MYO3B: variants seen among roughly 807,000 people sequenced by gnomAD.
MYO3B encodes myosin-IIIb.
A neutral mutation model predicts 174.6 loss-of-function variants in MYO3B; 156 were observed. The ratio of observed to expected loss-of-function variants is 0.89; its 90% CI spans 0.78 to 1.02. The LOEUF (loss-of-function observed/expected upper bound fraction) is 1.02. Among genes scored for constraint, MYO3B ranks in the 50% least tolerant of loss-of-function variants. MYO3B has a pLI of 0.00. For synonymous variants in MYO3B, 563 were observed against 569.1 expected (o/e 0.99, Z 0.15); for missense variants, 1,632 against 1,639.4 (o/e 1.00, Z 0.08).
At chr2:170,463,959 A>G (rs942170916) in intron 24 of MYO3B, among the ~76,000 whole-genome samples, 2 of 152,196 alleles carry the variant, frequency 1.3e-5, no homozygotes, top group African/African-American at 2.4e-5. Context: ...GATAAGACAT[A>G]TACACTCTTG....
At chr2:170,600,161 T>A (rs1348385775) in intron 32 of MYO3B, among the ~76,000 whole-genome samples, 1 of 151,972 alleles carries the variant, frequency 6.6e-6, no homozygotes, top group Non-Finnish European at 1.5e-5. Flanking sequence ...AATTATTAGT[T>A]TATTAGTATC....
chr2:170,649,376 A>AT (rs1559202655), intron 32 of MYO3B, among the ~76,000 whole-genome samples: 27 of 55,846 alleles, frequency 4.8e-4, no homozygotes, highest in African/African-American at 1.5e-3. Flanking sequence ...ATAAAAATAT[A>AT]AATATATTAT....
chr2:170,540,430 TTTTTAAAAAATA>T (rs1690014534), intron 30 of MYO3B, among the ~76,000 whole-genome samples: 1 of 152,174 alleles, frequency 6.6e-6, no homozygotes, highest in African/African-American at 2.4e-5. Context: ...TTTTTCTTTC[TTTTTAAAAAATA>T]TTTTAAAAAT....
At chr2:170,587,602 C>A (rs1232192697) in intron 32 of MYO3B, among the ~76,000 whole-genome samples, 1 of 152,078 alleles carries the variant, frequency 6.6e-6, no homozygotes, top group Non-Finnish European at 1.5e-5. Context: ...ATGAGACTCA[C>A]AAAAATGCAA....
intron 22 of MYO3B, among the ~76,000 whole-genome samples, chr2:170,431,968 C>T (rs2094712761): frequency 6.6e-6 from 1 of 152,196 alleles, no homozygotes; most frequent in African/African-American, 2.4e-5. Context: ...CAATGCATTA[C>T]TCAGGTGTTT....
At chr2:170,424,080 A>G (rs963205228) in intron 22 of MYO3B, among the ~76,000 whole-genome samples, 5 of 152,240 alleles carry the variant, frequency 3.3e-5, no homozygotes, top group African/African-American at 1.2e-4. Flanking sequence ...TCCAATAGGT[A>G]TCTTTACTGC....
chr2:170,536,456 G>A (rs1204309790), intron 30 of MYO3B, among the ~76,000 whole-genome samples: 1 of 152,202 alleles, frequency 6.6e-6, no homozygotes, highest in Non-Finnish European at 1.5e-5. Context: ...ATTCAGAATT[G>A]TTCCAAAAGT....
chr2:170,335,326 A>G (rs1291397335), intron 7 of MYO3B, 59 bp from the exon 8 acceptor site: 4 of 1,251,836 alleles, frequency 3.2e-6, no homozygotes, highest in Non-Finnish European at 4.6e-6. Context: ...AAACAAGTTG[A>G]TATTTTGCCT....
At chr2:170,596,137 A>G (rs1483365554) in intron 32 of MYO3B, among the ~76,000 whole-genome samples, 1 of 152,246 alleles carries the variant, frequency 6.6e-6, no homozygotes, top group Non-Finnish European at 1.5e-5. Context: ...GCTTAACCCA[A>G]GAGCATGATA....
intron 30 of MYO3B, among the ~76,000 whole-genome samples, chr2:170,540,684 G>GCAA (rs139653410): frequency 0.051 from 7,590 of 149,192 alleles, 604 homozygotes; most frequent in African/African-American, 0.18. Flanking sequence ...CAAAAAAACA[G>GCAA]CAACAACAAC....
intron 7 of MYO3B, among the ~76,000 whole-genome samples, chr2:170,306,648 G>C (rs1211806242): frequency 6.7e-6 from 1 of 150,200 alleles, no homozygotes; most frequent in African/African-American, 2.5e-5. Flanking sequence ...GGAGCACTGA[G>C]CCTGTGAGCC....
In MYO3B at chr2:170,312,493, C is replaced by T. The variant is rs551530769; in HGVS notation, c.750-22892C>T. Among the ~76,000 whole-genome samples, 100 of 152,342 alleles carry T rather than the reference C, an allele frequency of 6.6e-4. 1 individual carries two copies. Among genetic ancestry groups the T allele is most frequent in the Admixed American group, 6.5e-3 (100 of 15,306 alleles). ...GACTAAATGTGAGTAGATGTCATGT[C>T]ATTGCCTAGGCAAGGGTTCTGACCC... On this transcript the variant is annotated intron_variant, in intron 7 of 34. Transcript: ENST00000408978.
chr2:170,457,582 C>T (rs1412272462), intron 23 of MYO3B, among the ~76,000 whole-genome samples: 2 of 152,158 alleles, frequency 1.3e-5, no homozygotes, highest in Non-Finnish European at 2.9e-5. Context: ...CTGTCTTCTA[C>T]TAATGCCACA....
intron 32 of MYO3B, among the ~76,000 whole-genome samples, chr2:170,606,204 T>C (rs527283151): frequency 6.0e-5 from 9 of 150,638 alleles, no homozygotes; most frequent in African/African-American, 2.2e-4. Flanking sequence ...TAGCTTCCCA[T>C]TGACTTAAAA....
chr2:170,480,602 C>T (rs1276168562), intron 25 of MYO3B, among the ~76,000 whole-genome samples: 1 of 152,182 alleles, frequency 6.6e-6, no homozygotes, highest in Non-Finnish European at 1.5e-5. Context: ...TGAGAAGTTT[C>T]AAAGGCCCAG....
At chr2:170,622,275 T>C (rs556283088) in intron 32 of MYO3B, among the ~76,000 whole-genome samples, 1 of 152,316 alleles carries the variant, frequency 6.6e-6, no homozygotes, top group South Asian at 2.1e-4. Flanking sequence ...AAGCTAGAAA[T>C]TGTGCCTTAA....
chr2:170,386,155 A>G (rs372557111), intron 12 of MYO3B, 34 bp from the exon 13 acceptor site: 9 of 1,596,844 alleles, frequency 5.6e-6, no homozygotes, highest in Non-Finnish European at 7.7e-6. Context: ...CTGTGCTATA[A>G]ATTCTTCACT....
intron 32 of MYO3B, among the ~76,000 whole-genome samples, chr2:170,583,317 T>G (rs533262920): frequency 6.4e-4 from 98 of 152,248 alleles, no homozygotes; most frequent in African/African-American, 2.3e-3. Context: ...AGGCTCTCAG[T>G]GGTTCAGTCC....
chr2:170,217,511 C>T (rs1030391685), intron 6 of MYO3B, 116 bp downstream of exon 6: 5 of 853,700 alleles, frequency 5.9e-6, no homozygotes, highest in Non-Finnish European at 1.0e-5. Context: ...AGTCCATTAT[C>T]CTCATTGAAC....
Sources: allele counts gnomAD v4.1 joint callset (sites outside exome capture counted in the v4.1 genomes callset), GRCh38; gene constraint gnomAD v4.1.1; transcripts MANE v1.5; gene names NCBI Gene and HGNC (gene_info 2026-07-23, HGNC 2026-07-21).